NTNG1: variants seen among roughly 807,000 people sequenced by gnomAD.
NTNG1 encodes the protein netrin-G1.
A neutral mutation model predicts 54.0 loss-of-function variants in NTNG1; 16 were observed. That is an observed-to-expected ratio of 0.30 (90% CI 0.20 to 0.45). NTNG1 has a LOEUF of 0.45. Among genes scored for constraint, NTNG1 ranks in the 20% least tolerant of loss-of-function variants. The pLI is 1.00. For missense variants in NTNG1, 530 were observed against 678.7 expected, an observed-to-expected ratio of 0.78 and a Z score of 2.43; for synonymous variants, 255 against 263.1, an observed-to-expected ratio of 0.97 and a Z score of 0.30.
At chr1:107,472,709 G>A (rs2878414) in intron 7 of NTNG1, among the ~76,000 whole-genome samples, 43,401 of 151,950 alleles carry the variant, frequency 0.29, 7,441 homozygotes, top group Non-Finnish European at 0.36. Flanking sequence ...CCATAAGGTC[G>A]GGGAAGAAAA....
Position 107,386,337 on chromosome 1 carries a change from C to CT in NTNG1, c.888-8809dup, listed in dbSNP as rs890441190. On this transcript the variant is annotated intron_variant, in intron 3 of 7. Coordinates refer to ENST00000370068, the MANE Select transcript of NTNG1 (RefSeq NM_001113226.3). ...GGCGCCCGCCACCAGGCCCAGCTAA[C>CT]TTTTTTTTGTATTTTTAGTAGAGAT... is the stretch of plus-strand genomic sequence containing the variant. Among the ~76,000 whole-genome samples the CT allele has an allele frequency of 3.3e-5, 5 of 151,004 alleles. No individual in the cohort carries two copies. The East Asian group carries it at 9.8e-4, about 29-fold the overall frequency.
At chr1:107,228,179 A>G (rs1325952934) in intron 2 of NTNG1, among the ~76,000 whole-genome samples, 1 of 152,178 alleles carries the variant, frequency 6.6e-6, no homozygotes, top group East Asian at 1.9e-4. Context: ...CAAAGTTGAA[A>G]CAATGCTTCC....
At chr1:107,265,712 C>T (rs1380475373) in intron 2 of NTNG1, among the ~76,000 whole-genome samples, 2 of 152,142 alleles carry the variant, frequency 1.3e-5, no homozygotes, top group Admixed American at 6.5e-5. Flanking sequence ...TGGGTTTATA[C>T]ATGTAAGTTG....
chr1:107,255,337 T>C (rs528533109), intron 2 of NTNG1, among the ~76,000 whole-genome samples: 1 of 152,266 alleles, frequency 6.6e-6, no homozygotes, highest in East Asian at 1.9e-4. Context: ...GACACAGTCA[T>C]TGCCCAAAGG....
At chr1:107,168,291 C>T (rs1655964505) in intron 2 of NTNG1, among the ~76,000 whole-genome samples, 1 of 151,888 alleles carries the variant, frequency 6.6e-6, no homozygotes, top group African/African-American at 2.4e-5. Context: ...ATGACCTTAG[C>T]AACTAGATTG....
chr1:107,371,697 T>G (rs1202737624), intron 3 of NTNG1, among the ~76,000 whole-genome samples: 1 of 151,912 alleles, frequency 6.6e-6, no homozygotes, highest in African/African-American at 2.4e-5. Flanking sequence ...GAAATACCAA[T>G]GCTACACAAA....
chr1:107,470,888 C>G (rs1010066067), intron 7 of NTNG1, among the ~76,000 whole-genome samples: 1 of 152,240 alleles, frequency 6.6e-6, no homozygotes, highest in Admixed American at 6.5e-5. Context: ...TAAATTAATT[C>G]TTTCTCGATA....
At chr1:107,413,835 G>A (rs1192258817) in intron 5 of NTNG1, among the ~76,000 whole-genome samples, 1 of 151,772 alleles carries the variant, frequency 6.6e-6, no homozygotes, top group African/African-American at 2.4e-5. Context: ...TCCAAACCAG[G>A]ACTTTTTTCA....
At chr1:107,259,649 G>A (rs1663169611) in intron 2 of NTNG1, among the ~76,000 whole-genome samples, 1 of 151,864 alleles carries the variant, frequency 6.6e-6, no homozygotes, top group African/African-American at 2.4e-5. Context: ...ATTTACATTT[G>A]CTACTTCTGT....
rs1678744770 is a variant in NTNG1 at position 107,482,024 on chromosome 1, G to C, written c.*1184G>C. 8.0e-6 allele frequency: 1 copy of C among 125,446 alleles called. No individual in the cohort carries two copies. Among genetic ancestry groups the C allele is most frequent in the African/African-American group, 3.1e-5 (1 of 32,000 alleles). 7.8% of individuals were successfully genotyped at this position (125,446 alleles called of 1,614,324 possible). On this transcript the variant is annotated 3_prime_UTR_variant, in exon 8 of 8. Transcript: ENST00000370068. ...CTTGGACAACTTCTGCAAAATATGA[G>C]ACTATTTCCACTTGGGAAAAATTAC...
intron 2 of NTNG1, among the ~76,000 whole-genome samples, chr1:107,170,146 C>CA (rs1656109421): frequency 6.6e-6 from 1 of 152,018 alleles, no homozygotes; most frequent in Non-Finnish European, 1.5e-5. Flanking sequence ...TGACTGTAGC[C>CA]TAGACGAGTT....
At chr1:107,220,039 C>T (rs1397323133) in intron 2 of NTNG1, among the ~76,000 whole-genome samples, 2 of 152,150 alleles carry the variant, frequency 1.3e-5, no homozygotes, top group African/African-American at 4.8e-5. Flanking sequence ...TGATTTCTGA[C>T]TCTCCATGGA....
intron 2 of NTNG1, among the ~76,000 whole-genome samples, chr1:107,311,021 A>G (rs1167908331): frequency 1.3e-5 from 2 of 152,304 alleles, no homozygotes; most frequent in East Asian, 3.9e-4. Context: ...CTCTGTAATT[A>G]GCCACTGAAG....
At chr1:107,438,925 A>T (rs1160063856) in intron 7 of NTNG1, among the ~76,000 whole-genome samples, 1 of 152,160 alleles carries the variant, frequency 6.6e-6, no homozygotes, top group Non-Finnish European at 1.5e-5. Context: ...TGTTAGGTGG[A>T]TCACTGAGAT....
intron 7 of NTNG1, among the ~76,000 whole-genome samples, chr1:107,461,291 C>A (rs951851411): frequency 5.3e-5 from 8 of 152,096 alleles, no homozygotes; most frequent in African/African-American, 1.9e-4. Context: ...AGCTGAGATC[C>A]AAGTATTAAG....
At chr1:107,152,015 CACAT>C (rs1184522027) in intron 2 of NTNG1, among the ~76,000 whole-genome samples, 2 of 151,436 alleles carry the variant, frequency 1.3e-5, no homozygotes, top group African/African-American at 4.9e-5. Context: ...TATATACACA[CACAT>C]ACATATATAT....
At chr1:107,201,666 C>T (rs767750870) in intron 2 of NTNG1, among the ~76,000 whole-genome samples, 3 of 151,850 alleles carry the variant, frequency 2.0e-5, no homozygotes, top group Non-Finnish European at 2.9e-5. Context: ...TTGCCTAGAA[C>T]GTATCAAACC....
chr1:107,241,731 A>T lies in NTNG1; in HGVS notation c.247-82551A>T, dbSNP rs191698314. The stretch of plus-strand genomic sequence containing the variant: ...GGGCATCACTACTATACCATGTTTT[A>T]AAAAATTTGATTGCTTAATTCAATT... On this transcript the variant is annotated intron_variant, in intron 2 of 7. Coordinates refer to ENST00000370068, the MANE Select transcript of NTNG1 (RefSeq NM_001113226.3). 8.5e-3 allele frequency among the ~76,000 whole-genome samples: 1,299 copies of T among 152,292 alleles called. 7 individuals carry two copies. The highest frequency in any genetic ancestry group is 0.044 in the Middle Eastern group (13 of 294).
At chr1:107,154,595 CAAAAAAAAAAAAAAA>C (rs59619310) in intron 2 of NTNG1, among the ~76,000 whole-genome samples, 1 of 47,752 alleles carries the variant, frequency 2.1e-5, no homozygotes, top group Non-Finnish European at 4.0e-5. Context: ...GACCCTGTCT[CAAAAAAAAAAAAAAA>C]AAAAAAAAAA....
Sources: gnomAD v4.1 joint callset for allele counts (sites outside exome capture counted in the v4.1 genomes callset) on GRCh38, gnomAD v4.1.1 for gene constraint, MANE v1.5 for transcripts, NCBI Gene and HGNC (gene_info 2026-07-23, HGNC 2026-07-21) for gene names.